SIGLEC12: variants seen among roughly 807,000 people sequenced by gnomAD.
The protein encoded by SIGLEC12 is sialic acid binding Ig like lectin 12.
A neutral mutation model predicts 54.1 loss-of-function variants in SIGLEC12; 43 were observed. The observed-to-expected ratio is 0.80, with a 90% CI of 0.62 to 1.03. The LOEUF (loss-of-function observed/expected upper bound fraction) is 1.03, where lower values mean the gene tolerates loss of function less well. Ranked by LOEUF, SIGLEC12 falls within the 50% of genes least tolerant of loss-of-function variation. The pLI is 0.00. For synonymous variants in SIGLEC12, 357 were observed against 307.6 expected (o/e 1.16, Z -1.68); for missense variants, 802 against 735.2 (o/e 1.09, Z -1.05).
At chr19:51,491,973 T>C in intron 7 of SIGLEC12, 144 bp from the exon 8 acceptor site, 2 of 556,282 alleles carry the variant, frequency 3.6e-6, no homozygotes, top group South Asian at 2.9e-5. Flanking sequence ...GTTCCTCTAA[T>C]GTCTAATACT....
intron 7 of SIGLEC12, 72 bp from the exon 8 acceptor site, chr19:51,491,901 G>A: frequency 7.9e-7 from 1 of 1,257,922 alleles, no homozygotes; most frequent in Admixed American, 2.7e-5. Context: ...ATCCAGGAAG[G>A]AGGCCCAGGA....
intron 5 of SIGLEC12, 134 bp downstream of exon 5, chr19:51,497,884 T>C (rs1990282565): frequency 7.8e-7 from 1 of 1,284,562 alleles, no homozygotes; most frequent in Non-Finnish European, 1.1e-6. Context: ...TCCTCCCCTC[T>C]CCCCACCCCG....
At chr19:51,496,572 G>A (rs755073518) in intron 7 of SIGLEC12, among the ~76,000 whole-genome samples, 2 of 152,190 alleles carry the variant, frequency 1.3e-5, no homozygotes, top group African/African-American at 2.4e-5. Flanking sequence ...GGAACTTGAA[G>A]CAAAAGCTAT....
In SIGLEC12 at chr19:51,501,363, T is replaced by G; in HGVS notation, c.371A>C (p.Glu124Ala). ...ATAATTCCATTTCATATTTCCTCTC[T>G]CTACACAAAAGACGTATGTCCCTGC... ...SDAGTYVFCV[E>A]RGNMKWNYKY... The change falls in exon 1 of 8, where the codon GAG becomes GCG. Residue 124 changes from glutamate to alanine, a missense_variant. By Grantham distance (107) the Glu-to-Ala change is moderately radical (BLOSUM62 -1). Coordinates refer to ENST00000291707, the MANE Select transcript of SIGLEC12 (RefSeq NM_053003.4). 3.1e-6 allele frequency: 5 copies of G among 1,614,220 alleles called. No individual in the cohort carries two copies. The highest frequency in any genetic ancestry group is 4.2e-6 in the Non-Finnish European group (5 of 1,180,030).
Position 51,491,649 on chromosome 19 carries a change from G to C in SIGLEC12, c.1780C>G (p.Pro594Ala), listed in dbSNP as rs752317536. 7.4e-6 allele frequency: 12 copies of C among 1,613,926 alleles called. No homozygotes were observed. The South Asian group carries it at 1.2e-4, about 16-fold the overall frequency. ...TGAGTCTCTGCAGTTTCTCACTTGG[G>C]GATGTTGATCTCGGAGTACTCATAG... ...IGYEYSEINIPK is the reference protein window; with the variant it reads ...IGYEYSEINIAK Residue 594 changes from proline (P) to alanine (A), a missense_variant, in exon 8 of 8, where the codon CCC becomes GCC. By Grantham distance (27) the Pro-to-Ala change is conservative (BLOSUM62 -1). Coordinates refer to ENST00000291707, the MANE Select transcript of SIGLEC12 (RefSeq NM_053003.4).
At chr19:51,495,760 A>G (rs952028764) in intron 7 of SIGLEC12, among the ~76,000 whole-genome samples, 1 of 152,186 alleles carries the variant, frequency 6.6e-6, no homozygotes, top group Admixed American at 6.5e-5. Context: ...GAGATGCTCT[A>G]TAACTTTTCC....
intron 7 of SIGLEC12, among the ~76,000 whole-genome samples, chr19:51,493,903 T>C (rs1990165616): frequency 6.6e-6 from 1 of 152,238 alleles, no homozygotes; most frequent in East Asian, 1.9e-4. Flanking sequence ...CATGGTCTCT[T>C]GCACAAAACT....
chr19:51,498,036 G>A lies in SIGLEC12; in HGVS notation c.1387C>T (p.Leu463=), dbSNP rs1430179686. 1 of 1,614,234 alleles carries A rather than the reference G, an allele frequency of 6.2e-7. No individual in the cohort carries two copies. The highest frequency in any genetic ancestry group is 8.5e-7 in the Non-Finnish European group (1 of 1,180,030). The change falls in exon 5 of 8, where the codon CTG becomes TTG. Residue 463 remains leucine (L), a synonymous_variant. Transcript: ENST00000291707. ...GSQHISLSLS[L]QNEYTGKMRP... is the part of the protein sequence containing the mutation. ...TACCCACCTGTGTACTCGTTTTGCA[G>A]GGAGAGGCTCAGGGAAATGTGCTGG...
chr19:51,500,421 G>A (rs944558920), intron 1 of SIGLEC12, 121 bp from the exon 2 acceptor site: 1 of 1,560,934 alleles, frequency 6.4e-7, no homozygotes, highest in Non-Finnish European at 8.7e-7. Context: ...AGAGAAGGGG[G>A]AGGGAGAGGA....
At chr19:51,491,884 A>G in intron 7 of SIGLEC12, 55 bp from the exon 8 acceptor site, 1 of 1,419,530 alleles carries the variant, frequency 7.0e-7, no homozygotes, top group African/African-American at 1.4e-5. Flanking sequence ...AGCATGCACC[A>G]GAGAGCATCC....
In SIGLEC12 at chr19:51,500,287, T is replaced by C; in HGVS notation, c.441A>G (p.Leu147=). The C allele has an allele frequency of 1.2e-5, 20 of 1,614,184 alleles. No homozygotes were observed. Among genetic ancestry groups the C allele is most frequent in the Non-Finnish European group, 1.7e-5 (20 of 1,180,016 alleles). The part of the protein sequence containing the change: ...LSVNVTASQD[L]LSRYRLEVPE... ...GCACCTCCAGCCTGTATCTTGACAGTAGGTCCTGGGACGCTGTGGAGAAAC... is the reference window on the plus strand; with the variant it reads ...GCACCTCCAGCCTGTATCTTGACAGCAGGTCCTGGGACGCTGTGGAGAAAC... The change falls in exon 2 of 8, where the codon CTA becomes CTG. Residue 147 remains leucine (L), a synonymous_variant. Coordinates refer to ENST00000291707, the MANE Select transcript of SIGLEC12 (RefSeq NM_053003.4).
chr19:51,496,801 A>G, intron 7 of SIGLEC12, 79 bp downstream of exon 7: 2 of 1,505,812 alleles, frequency 1.3e-6, no homozygotes, highest in Non-Finnish European at 1.8e-6. Context: ...GAAAGGAAGG[A>G]CAGTGAGGAA....
At chr19:51,499,881 G>T in intron 2 of SIGLEC12, 39 bp downstream of exon 2, 1 of 1,576,124 alleles carries the variant, frequency 6.3e-7, no homozygotes, top group African/African-American at 1.3e-5. Context: ...GCGGCCCTCG[G>T]GCCTTCCCCT....
rs778384204 is a variant in SIGLEC12, at chr19:51,497,411, C to G, written c.1440G>C (p.Gly480=). The G allele has an allele frequency of 1.9e-6, 3 of 1,613,230 alleles. No homozygotes were observed. The Admixed American group carries it at 5.0e-5, about 27-fold the overall frequency. The change falls in exon 6 of 8, where the codon GGG becomes GGC. Residue 480 remains glycine, a synonymous_variant. Coordinates refer to ENST00000291707, the MANE Select transcript of SIGLEC12 (RefSeq NM_053003.4). ...CTGTGGCTCCAGCTCCCCCGAATGCCCCTAGCGTCACTCCTGATATAGGCC... is the reference window on the plus strand; with the variant it reads ...CTGTGGCTCCAGCTCCCCCGAATGCGCCTAGCGTCACTCCTGATATAGGCC... ...KMRPISGVTL[G]AFGGAGATAL...
rs370626949 is a variant in SIGLEC12 at position 51,501,377 on chromosome 19, G to A, written c.357C>T (p.Tyr119=). The change falls in exon 1 of 8, where the codon TAC becomes TAT. Residue 119 remains tyrosine, a synonymous_variant. Transcript: ENST00000291707. ...TATTTCCTCTCTCTACACAAAAGACGTATGTCCCTGCATCACTCTCTCTGG... is the reference window on the plus strand; with the variant it reads ...TATTTCCTCTCTCTACACAAAAGACATATGTCCCTGCATCACTCTCTCTGG... The part of the protein sequence containing the change: ...RDTRESDAGT[Y]VFCVERGNMK... The A allele has an allele frequency of 2.8e-5, 45 of 1,614,032 alleles. No individual in the cohort carries two copies. Among genetic ancestry groups the A allele is most frequent in the Middle Eastern group, 1.6e-4 (1 of 6,084 alleles).
rs2009362 is a variant in SIGLEC12, at chr19:51,499,475, G to A, written c.1050C>T (p.Gly350=). The change falls in exon 3 of 8, where the codon GGC becomes GGT. Residue 350 remains glycine (G), a synonymous_variant. Coordinates refer to ENST00000291707, the MANE Select transcript of SIGLEC12 (RefSeq NM_053003.4). The part of the protein sequence containing the change: ...LTCQVTLPGA[G]VTMTRAVRLN... Reference sequence around the variant, plus strand: ...GTCGGACAGCCCTGGTCATGGTCACGCCGGCCCCAGGCAAGGTCACCTGAC... The same window carrying A: ...GTCGGACAGCCCTGGTCATGGTCACACCGGCCCCAGGCAAGGTCACCTGAC... 1,000,245 of 1,602,036 alleles carry A rather than the reference G, an allele frequency of 0.62. 315,285 individuals carry two copies. Among genetic ancestry groups the A allele is most frequent in the Admixed American group, 0.73 (42,371 of 57,718 alleles).
In SIGLEC12 at chr19:51,499,686, G is replaced by A. The variant is rs78991045; in HGVS notation, c.839C>T (p.Pro280Leu). 1.1e-5 allele frequency: 18 copies of A among 1,614,102 alleles called. No individual in the cohort carries two copies. The highest frequency in any genetic ancestry group is 4.5e-5 in the East Asian group (2 of 44,870). ...ALTHMPTFSI[P>L]GTLESGHPRN... ...GGGGTGGCCAGACTCCAGGGTCCCC[G>A]GGATGGAGAAGGTGGGCATGTGAGT... Residue 280 changes from proline (P) to leucine (L), a missense_variant, in exon 3 of 8, where the codon CCG (proline) becomes CTG (leucine). Coordinates refer to ENST00000291707, the MANE Select transcript of SIGLEC12 (RefSeq NM_053003.4).
chr19:51,498,373 C>T (rs1990300932), intron 4 of SIGLEC12, 86 bp from the exon 5 acceptor site: 3 of 1,195,702 alleles, frequency 2.5e-6, no homozygotes, highest in South Asian at 1.5e-5. Flanking sequence ...GTGAATGGAA[C>T]AGACACTGAT....
rs1196623962 is a variant in SIGLEC12, at chr19:51,491,627, GTC to G, written c.*12_*13del. The G allele has an allele frequency of 6.2e-7, 1 of 1,613,648 alleles. No homozygotes were observed. Among genetic ancestry groups the G allele is most frequent in the Non-Finnish European group, 8.5e-7 (1 of 1,179,856 alleles). On this transcript the variant is annotated 3_prime_UTR_variant, in exon 8 of 8. Transcript: ENST00000291707. ...GTCGTGAGCCCTCAAACAGGCCTGA[GTC>G]TCTGCAGTTTCTCACTTGGGGATGT...
Sources: gnomAD v4.1 joint callset for allele counts (sites outside exome capture counted in the v4.1 genomes callset) on GRCh38, gnomAD v4.1.1 for gene constraint, MANE v1.5 for transcripts, NCBI Gene and HGNC (gene_info 2026-07-23, HGNC 2026-07-21) for gene names.